The following MRPS27 variants were observed in gnomAD, a reference collection of about 807,000 sequenced individuals.
MRPS27 encodes the protein mitochondrial ribosomal protein S27.
In MRPS27, 43 loss-of-function variants were observed where a neutral mutation model predicts 48.9. That is an observed-to-expected ratio of 0.88 (90% CI 0.69 to 1.13). MRPS27 has a LOEUF of 1.13. MRPS27 is among the 50% of genes most tolerant of loss of function. The pLI, the probability that MRPS27 is intolerant of heterozygous loss-of-function variation, is 0.00. For missense variants in MRPS27, 467 were observed against 476.3 expected, an observed-to-expected ratio of 0.98 and a Z score of 0.18; for synonymous variants, 188 against 171.9, an observed-to-expected ratio of 1.09 and a Z score of -0.73.
At chr5:72,252,278 A>T (rs1044091754) in intron 4 of MRPS27, among the ~76,000 whole-genome samples, 1 of 152,222 alleles carries the variant, frequency 6.6e-6, no homozygotes, top group Non-Finnish European at 1.5e-5. Context: ...TACCATAAGT[A>T]TATTTCTCTG....
intron 4 of MRPS27, among the ~76,000 whole-genome samples, chr5:72,287,659 A>AC (rs1749709103): frequency 6.6e-6 from 1 of 152,192 alleles, no homozygotes; most frequent in African/African-American, 2.4e-5. Context: ...AAACAAACAA[A>AC]AAAAATTGAC....
At chr5:72,272,565 C>T (rs1749275196) in intron 4 of MRPS27, among the ~76,000 whole-genome samples, 2 of 152,186 alleles carry the variant, frequency 1.3e-5, no homozygotes, top group South Asian at 2.1e-4. Flanking sequence ...TAAGGACATC[C>T]TGTGTGATTT....
intron 3 of MRPS27, among the ~76,000 whole-genome samples, chr5:72,295,953 A>G (rs1285691445): frequency 2.0e-5 from 3 of 152,158 alleles, no homozygotes; most frequent in African/African-American, 7.2e-5. Flanking sequence ...TATGTTCCAA[A>G]CATGGGAACA....
chr5:72,283,365 T>C (rs896162388), intron 4 of MRPS27, among the ~76,000 whole-genome samples: 1 of 152,214 alleles, frequency 6.6e-6, no homozygotes, highest in African/African-American at 2.4e-5. Context: ...TCTGTATCTT[T>C]TGGTATATTA....
intron 4 of MRPS27, 194 bp downstream of exon 4, chr5:72,295,337 T>C (rs534210114): frequency 6.0e-6 from 3 of 500,946 alleles, no homozygotes; most frequent in Non-Finnish European, 1.1e-5. Flanking sequence ...AGGGAACTGG[T>C]TTAAATAATA....
chr5:72,256,001 G>C (rs1385396180), intron 4 of MRPS27, among the ~76,000 whole-genome samples: 1 of 152,208 alleles, frequency 6.6e-6, no homozygotes, highest in Non-Finnish European at 1.5e-5. Flanking sequence ...TATTTCAAAT[G>C]TTAAAGATAA....
At chr5:72,277,040 A>G (rs887709046) in intron 4 of MRPS27, among the ~76,000 whole-genome samples, 1 of 150,686 alleles carries the variant, frequency 6.6e-6, no homozygotes, top group African/African-American at 2.5e-5. Context: ...CCAAAGGGGG[A>G]AAAAAAGTGA....
At chr5:72,248,159 A>G (rs1346723234) in intron 4 of MRPS27, among the ~76,000 whole-genome samples, 1 of 152,240 alleles carries the variant, frequency 6.6e-6, no homozygotes, top group Non-Finnish European at 1.5e-5. Context: ...CTAGTCTCTC[A>G]TACCAAAAAC....
chr5:72,255,914 G>A (rs1277090304), intron 4 of MRPS27, among the ~76,000 whole-genome samples: 4 of 152,156 alleles, frequency 2.6e-5, no homozygotes, highest in Admixed American at 2.6e-4. Context: ...CCCAAGCAAG[G>A]AATCAATAAA....
At chr5:72,272,956 T>C (rs1352010539) in intron 4 of MRPS27, among the ~76,000 whole-genome samples, 1 of 152,228 alleles carries the variant, frequency 6.6e-6, no homozygotes, top group African/African-American at 2.4e-5. Context: ...GTGTTATATA[T>C]GTTTAAAATT....
intron 4 of MRPS27, among the ~76,000 whole-genome samples, chr5:72,259,768 T>A (rs917457544): frequency 2.0e-5 from 3 of 152,196 alleles, no homozygotes; most frequent in African/African-American, 7.2e-5. Flanking sequence ...GACTTATATA[T>A]AAATTTCTCC....
chr5:72,235,187 A>G (rs1748168255), intron 5 of MRPS27, among the ~76,000 whole-genome samples: 1 of 152,142 alleles, frequency 6.6e-6, no homozygotes, highest in African/African-American at 2.4e-5. Flanking sequence ...GCCAGTGTCT[A>G]TATTTCTCAA....
At chr5:72,291,287 G>C (rs1209141181) in intron 4 of MRPS27, among the ~76,000 whole-genome samples, 1 of 152,106 alleles carries the variant, frequency 6.6e-6, no homozygotes, top group Non-Finnish European at 1.5e-5. Flanking sequence ...CTAAGCAAAA[G>C]AACCTATTTT....
At chr5:72,234,516 C>T (rs1240760708) in intron 5 of MRPS27, among the ~76,000 whole-genome samples, 1 of 151,860 alleles carries the variant, frequency 6.6e-6, no homozygotes. Context: ...ACCCACACAA[C>T]CCCCCTAACT....
chr5:72,295,695 T>C (rs1247297433), intron 3 of MRPS27, 106 bp from the exon 4 acceptor site: 1 of 791,866 alleles, frequency 1.3e-6, no homozygotes, highest in Non-Finnish European at 2.2e-6. Context: ...ACACCCATTT[T>C]ATTGGAACGA....
chr5:72,236,735 A>T (rs1019750357), intron 5 of MRPS27, among the ~76,000 whole-genome samples: 29 of 151,932 alleles, frequency 1.9e-4, no homozygotes, highest in African/African-American at 5.3e-4. Flanking sequence ...GTTCAGACTG[A>T]GTCTTTGTTT....
At chr5:72,243,519 T>C (rs1384505359) in intron 4 of MRPS27, among the ~76,000 whole-genome samples, 5 of 152,194 alleles carry the variant, frequency 3.3e-5, no homozygotes, top group Non-Finnish European at 5.9e-5. Flanking sequence ...CAGAAATCGA[T>C]AATAAAAACA....
At chr5:72,233,341 T>C (rs969335285) in intron 6 of MRPS27, among the ~76,000 whole-genome samples, 6 of 152,114 alleles carry the variant, frequency 3.9e-5, no homozygotes, top group African/African-American at 1.4e-4. Context: ...ACAACATAGA[T>C]GGAGGCCAAG....
At chr5:72,241,988 T>C (rs578167131) in intron 4 of MRPS27, among the ~76,000 whole-genome samples, 7 of 152,318 alleles carry the variant, frequency 4.6e-5, no homozygotes, top group Admixed American at 2.0e-4. Context: ...AGGCTAAAGG[T>C]ACTCTGAGAT....
Sources: gnomAD v4.1 joint callset for allele counts (sites outside exome capture counted in the v4.1 genomes callset) on GRCh38, gnomAD v4.1.1 for gene constraint, MANE v1.5 for transcripts, NCBI Gene and HGNC (gene_info 2026-07-23, HGNC 2026-07-21) for gene names.